Variants in FGF12 observed in about 807,000 individuals in gnomAD.
FGF12 encodes fibroblast growth factor 12B.
A neutral mutation model predicts 23.6 loss-of-function variants in FGF12; 14 were observed. The observed-to-expected ratio is 0.59, with a 90% CI of 0.39 to 0.93. The LOEUF is 0.93. Ranked by LOEUF, FGF12 falls within the 40% of genes least tolerant of loss-of-function variation. The pLI is 0.00. For missense variants in FGF12, 175 were observed against 217.8 expected, an observed-to-expected ratio of 0.80 and a Z score of 1.24; for synonymous variants, 62 against 77.3, an observed-to-expected ratio of 0.80 and a Z score of 1.04.
chr3:192,639,753 T>C (rs1486871544), intron 2 of FGF12, among the ~76,000 whole-genome samples: 1 of 152,194 alleles, frequency 6.6e-6, no homozygotes, highest in Non-Finnish European at 1.5e-5. Context: ...ATTTACATTG[T>C]ATTAGATATT....
intron 2 of FGF12, among the ~76,000 whole-genome samples, chr3:192,603,314 C>T (rs1390619286): frequency 6.6e-6 from 1 of 152,144 alleles, no homozygotes; most frequent in Non-Finnish European, 1.5e-5. Flanking sequence ...GTTCCTGGAA[C>T]TGATTAATCA....
At chr3:192,439,942 T>C (rs542154911) in intron 2 of FGF12, among the ~76,000 whole-genome samples, 33 of 148,880 alleles carry the variant, frequency 2.2e-4, no homozygotes, top group Middle Eastern at 3.5e-3. Flanking sequence ...CGCCACTGCA[T>C]TCCAGCCTAG....
At chr3:192,629,829 G>A (rs1715315348) in intron 2 of FGF12, among the ~76,000 whole-genome samples, 1 of 152,106 alleles carries the variant, frequency 6.6e-6, no homozygotes, top group South Asian at 2.1e-4. Flanking sequence ...CAGATTTCTG[G>A]GATCTGTCCG....
intron 5 of FGF12, among the ~76,000 whole-genome samples, chr3:192,167,771 A>ATTT (rs1560175808): frequency 2.8e-4 from 6 of 21,332 alleles, no homozygotes; most frequent in Non-Finnish European, 3.6e-4. Flanking sequence ...ATATATATAA[A>ATTT]ATTTTTTTTT....
At chr3:192,185,541 A>AT (rs950260971) in intron 4 of FGF12, among the ~76,000 whole-genome samples, 1,564 of 150,672 alleles carry the variant, frequency 0.01, 27 homozygotes, top group African/African-American at 0.034. Flanking sequence ...TTTTTCATGA[A>AT]TTTTTTTTTT....
chr3:192,168,341 C>T (rs1213817337), intron 5 of FGF12, among the ~76,000 whole-genome samples: 1 of 152,100 alleles, frequency 6.6e-6, no homozygotes, highest in Non-Finnish European at 1.5e-5. Context: ...CTCAGGTACC[C>T]TTTGCTTAAC....
chr3:192,290,482 T>C (rs1343863686), intron 4 of FGF12, among the ~76,000 whole-genome samples: 2 of 152,144 alleles, frequency 1.3e-5, no homozygotes, highest in African/African-American at 2.4e-5. Context: ...AATCTGTCTA[T>C]AGAGTACAAT....
intron 2 of FGF12, among the ~76,000 whole-genome samples, chr3:192,487,930 G>C (rs999564813): frequency 3.9e-5 from 6 of 152,206 alleles, no homozygotes; most frequent in Admixed American, 1.3e-4. Context: ...TACATATTTT[G>C]TTGAGTAGGA....
chr3:192,429,794 A>G (rs553794006), intron 2 of FGF12, among the ~76,000 whole-genome samples: 61 of 36,624 alleles, frequency 1.7e-3, no homozygotes, highest in Middle Eastern at 0.025. Flanking sequence ...GCCATTCTGG[A>G]AAAAAAATGC....
At position 192,163,279 on chromosome 3, in the gene FGF12, A is replaced by G. The variant is rs185391163; in HGVS notation, c.427+7179T>C. 1.6e-4 allele frequency among the ~76,000 whole-genome samples: 25 copies of G among 152,254 alleles called. 1 individual carries two copies. The highest frequency in any genetic ancestry group is 1.0e-3 in the Admixed American group (16 of 15,280). On this transcript the variant is annotated intron_variant, in intron 5 of 5. Transcript: ENST00000445105. ...CTGTATTCTTGGTTACTTGATTTCTATTAGGTTGCTCTAAGAGGTGTCAAT... is the reference window on the plus strand; with the variant it reads ...CTGTATTCTTGGTTACTTGATTTCTGTTAGGTTGCTCTAAGAGGTGTCAAT...
chr3:192,663,964 G>C (rs1028324251), intron 2 of FGF12, among the ~76,000 whole-genome samples: 19 of 152,136 alleles, frequency 1.2e-4, no homozygotes, highest in African/African-American at 4.6e-4. Context: ...CCCCATGTTA[G>C]ATAAGAAGCC....
chr3:192,653,286 C>A (rs1716280026), intron 2 of FGF12, among the ~76,000 whole-genome samples: 1 of 152,152 alleles, frequency 6.6e-6, no homozygotes, highest in African/African-American at 2.4e-5. Context: ...AGAAATAAGT[C>A]ATAGCTCTTG....
rs745811458 is a variant in FGF12, at chr3:192,360,794, T to G, written c.14-256A>C. ...TTATGATTGGGAAAATACAGAGACA[T>G]GCTAAAAAGTGAGTTATTTTCCTCC... is the stretch of plus-strand genomic sequence containing the variant. On this transcript the variant is annotated intron_variant, in intron 2 of 5. Transcript: ENST00000445105. The surrounding 1 kb of genome is among the most constrained non-coding windows in gnomAD (Gnocchi z 4.3). The G allele has an allele frequency of 6.5e-6, 3 of 463,878 alleles. No individual in the cohort carries two copies. Among genetic ancestry groups the G allele is most frequent in the Non-Finnish European group, 1.2e-5 (3 of 255,668 alleles). 28.7% of individuals were successfully genotyped at this position (463,878 alleles called of 1,614,324 possible). A position where few individuals can be genotyped will look rare whatever the true frequency, so the allele number is the denominator to read the frequency against.
chr3:192,484,530 A>G (rs2108821476), intron 2 of FGF12, among the ~76,000 whole-genome samples: 1 of 152,258 alleles, frequency 6.6e-6, no homozygotes, highest in East Asian at 1.9e-4. Flanking sequence ...CATAATATAC[A>G]GCAGTTAACT....
chr3:192,277,469 A>C (rs1713861957), intron 4 of FGF12, among the ~76,000 whole-genome samples: 2 of 152,206 alleles, frequency 1.3e-5, no homozygotes, highest in Admixed American at 6.5e-5. Flanking sequence ...GAAACCAAAG[A>C]ATGATGCTTG....
intron 2 of FGF12, among the ~76,000 whole-genome samples, chr3:192,706,608 G>A (rs368485368): frequency 1.3e-5 from 2 of 152,118 alleles, no homozygotes; most frequent in African/African-American, 2.4e-5. Context: ...GTACAATATC[G>A]TTTACAAAGC....
At chr3:192,275,597 C>T (rs1021632023) in intron 4 of FGF12, among the ~76,000 whole-genome samples, 2 of 152,030 alleles carry the variant, frequency 1.3e-5, no homozygotes, top group African/African-American at 4.8e-5. Context: ...GTGGTGTTTT[C>T]TAAGTGGGAA....
intron 2 of FGF12, among the ~76,000 whole-genome samples, chr3:192,445,346 G>A (rs1046252319): frequency 6.6e-6 from 1 of 152,174 alleles, no homozygotes; most frequent in Non-Finnish European, 1.5e-5. Flanking sequence ...TGCACACTGT[G>A]CGCTCCAGTT....
intron 4 of FGF12, among the ~76,000 whole-genome samples, chr3:192,250,072 C>T (rs28504241): frequency 0.019 from 2,862 of 152,218 alleles, 72 homozygotes; most frequent in African/African-American, 0.054. Flanking sequence ...CAGTCAACTC[C>T]ATTCTGCTTA....
Sources: gnomAD v4.1 joint callset for allele counts (sites outside exome capture counted in the v4.1 genomes callset) on GRCh38, gnomAD v4.1.1 for gene constraint, Gnocchi (gnomAD v3.1) non-coding constraint, MANE v1.5 for transcripts, NCBI Gene and HGNC (gene_info 2026-07-23, HGNC 2026-07-21) for gene names.